Variants in RTL4 observed in about 807,000 individuals in gnomAD.
RTL4 encodes the protein retrotransposon Gag like 4.
In RTL4, 4 loss-of-function variants were observed where a neutral mutation model predicts 5.3. The observed-to-expected ratio is 0.75, with a 90% CI of 0.37 to 1.72. The LOEUF (loss-of-function observed/expected upper bound fraction) is 1.72. Among genes scored for constraint, RTL4 ranks in the 40% most tolerant of loss-of-function variants. RTL4 has a pLI of 0.04. For synonymous variants in RTL4, 98 were observed against 87.3 expected (o/e 1.12, Z -0.68); for missense variants, 260 against 227.1 (o/e 1.14, Z -0.93).
At chrX:112,237,859 C>A in the RTL4 span, among the ~76,000 whole-genome samples, 3 of 112,001 alleles carry the variant, frequency 2.7e-5, no homozygotes, top group East Asian at 8.4e-4. Flanking sequence ...ATGATGCTGG[C>A]TGAATCTCAG....
chrX:112,363,068 TG>T, the RTL4 span, among the ~76,000 whole-genome samples: 2 of 110,893 alleles, frequency 1.8e-5, no homozygotes, highest in Non-Finnish European at 3.8e-5. Flanking sequence ...CAAAGTTATC[TG>T]ATCAGAAAAG....
At chrX:112,418,237 G>T in the RTL4 span, among the ~76,000 whole-genome samples, 13 of 111,916 alleles carry the variant, frequency 1.2e-4, no homozygotes, top group Admixed American at 9.5e-5. Flanking sequence ...AATTATACAC[G>T]TCAAATGGCT....
the RTL4 span, among the ~76,000 whole-genome samples, chrX:112,182,498 G>C: frequency 4.5e-5 from 5 of 112,019 alleles, no homozygotes; most frequent in Non-Finnish European, 7.5e-5. Flanking sequence ...TAAATGACCT[G>C]ATAGACCTGA....
chrX:112,316,910 C>T, the RTL4 span, among the ~76,000 whole-genome samples: 47 of 112,004 alleles, frequency 4.2e-4, no homozygotes, highest in South Asian at 0.015. Flanking sequence ...AAAAGACAAG[C>T]TTGAGCTCAG....
the RTL4 span, among the ~76,000 whole-genome samples, chrX:112,257,512 T>G: frequency 3.6e-5 from 4 of 111,218 alleles, no homozygotes; most frequent in African/African-American, 1.3e-4. Context: ...ACTGGGTAAT[T>G]TATAAATGAC....
the RTL4 span, among the ~76,000 whole-genome samples, chrX:112,193,840 A>T: frequency 8.9e-6 from 1 of 112,112 alleles, no homozygotes; most frequent in Admixed American, 9.5e-5. Flanking sequence ...GAACTCTTCT[A>T]ATGATTAGAC....
the RTL4 span, among the ~76,000 whole-genome samples, chrX:112,369,630 A>G: frequency 8.9e-6 from 1 of 112,113 alleles, no homozygotes; most frequent in Admixed American, 9.4e-5. Flanking sequence ...AAGAAGACAA[A>G]TCTACTTTTT....
chrX:112,172,656 G>T, the RTL4 span, among the ~76,000 whole-genome samples: 430 of 110,514 alleles, frequency 3.9e-3, no homozygotes, highest in African/African-American at 0.013. Flanking sequence ...TCCATTCCTG[G>T]GTATAGACCC....
At chrX:112,357,977 T>A in the RTL4 span, among the ~76,000 whole-genome samples, 33 of 112,328 alleles carry the variant, frequency 2.9e-4, no homozygotes, top group African/African-American at 1.1e-3. Context: ...ATCTTTTTTT[T>A]TATAAAATAA....
chrX:112,450,110 T>C (rs1337026324), upstream of RTL4, among the ~76,000 whole-genome samples: 2 of 112,317 alleles, frequency 1.8e-5, no homozygotes, highest in Non-Finnish European at 3.8e-5. Flanking sequence ...CAAGGGATTA[T>C]GTAGAACAGT....
At chrX:112,452,604 G>A (rs1207772518), upstream of RTL4, among the ~76,000 whole-genome samples, 1 of 111,277 alleles carries the variant, frequency 9.0e-6, no homozygotes, top group African/African-American at 3.3e-5. Context: ...GACAATATGT[G>A]ATAAAGGCAG....
the RTL4 span, among the ~76,000 whole-genome samples, chrX:112,186,843 A>C: frequency 9.0e-6 from 1 of 111,315 alleles, no homozygotes; most frequent in African/African-American, 3.3e-5. Context: ...ACCTTTCTGC[A>C]TTCTTCTTTG....
the RTL4 span, among the ~76,000 whole-genome samples, chrX:112,116,126 G>A: frequency 8.9e-6 from 1 of 112,122 alleles, no homozygotes; most frequent in East Asian, 2.8e-4. Context: ...CTTTAGTCTG[G>A]CAGCTGCACT....
chrX:112,140,637 A>T, the RTL4 span, among the ~76,000 whole-genome samples: 1 of 110,838 alleles, frequency 9.0e-6, no homozygotes, highest in African/African-American at 3.3e-5. Flanking sequence ...TTAAAAAGGC[A>T]CTAATCCCAT....
the RTL4 span, among the ~76,000 whole-genome samples, chrX:112,415,861 C>T: frequency 9.0e-6 from 1 of 111,655 alleles, no homozygotes; most frequent in Non-Finnish European, 1.9e-5. Context: ...CCAGATTTGT[C>T]TGACTTCCAA....
chrX:112,145,372 T>C, the RTL4 span, among the ~76,000 whole-genome samples: 3 of 111,839 alleles, frequency 2.7e-5, no homozygotes, highest in African/African-American at 9.7e-5. Flanking sequence ...AACAAGTTCT[T>C]CCCTGACTTT....
the RTL4 span, among the ~76,000 whole-genome samples, chrX:112,097,503 G>A: frequency 9.0e-6 from 1 of 110,696 alleles, no homozygotes; most frequent in African/African-American, 3.3e-5. Flanking sequence ...AGGTGTGATG[G>A]TACACATCTG....
chrX:112,117,096 G>GA, the RTL4 span, among the ~76,000 whole-genome samples: 1 of 110,119 alleles, frequency 9.1e-6, no homozygotes, highest in Non-Finnish European at 1.9e-5. Context: ...ATGTTAAAAA[G>GA]CAAAAACTAA....
chrX:112,249,790 T>TAG, the RTL4 span, among the ~76,000 whole-genome samples: 3,609 of 99,696 alleles, frequency 0.036, 143 homozygotes, highest in African/African-American at 0.12. Context: ...TATATATATA[T>TAG]ATAGAGAGAG....
Sources: gnomAD v4.1 joint callset for allele counts (sites outside exome capture counted in the v4.1 genomes callset) on GRCh38, gnomAD v4.1.1 for gene constraint, MANE v1.5 for transcripts, NCBI Gene and HGNC (gene_info 2026-07-23, HGNC 2026-07-21) for gene names.